Variants in ARHGAP29 observed in about 807,000 individuals in gnomAD.
The protein encoded by ARHGAP29 is Rho GTPase activating protein 29.
A neutral mutation model predicts 122.6 loss-of-function variants in ARHGAP29; 43 were observed. The observed-to-expected ratio is 0.35, with a 90% CI of 0.27 to 0.45. The LOEUF is 0.45. ARHGAP29 is among the 20% of genes least tolerant of loss of function. The probability of loss-of-function intolerance (pLI) is 1.00; values close to 1 mark genes in which losing one functional copy is unlikely to be tolerated. For synonymous variants in ARHGAP29, 506 were observed against 497.1 expected (o/e 1.02, Z -0.24); for missense variants, 1,303 against 1,477.2 (o/e 0.88, Z 1.93).
upstream of ARHGAP29, among the ~76,000 whole-genome samples, chr1:94,280,011 TTTTTCCTGTGATACAGTAC>T (rs6143326): frequency 6.7e-6 from 1 of 148,616 alleles, no homozygotes; most frequent in South Asian, 2.2e-4. Flanking sequence ...CTGTACTTGT[TTTTTCCTGTGATACAGTAC>T]TTTTCCTGTG....
chr1:94,226,746 C>T (rs1652635727), intron 2 of ARHGAP29, among the ~76,000 whole-genome samples: 1 of 151,524 alleles, frequency 6.6e-6, no homozygotes, highest in Non-Finnish European at 1.5e-5. Flanking sequence ...TACTTCGTTT[C>T]TCAAAGATTC....
rs142525529 is a variant in ARHGAP29, at chr1:94,256,318, A to G, written c.-33+18694T>C. Among the ~76,000 whole-genome samples the G allele has an allele frequency of 1.4e-4, 21 of 152,258 alleles. No homozygotes were observed. The East Asian group carries it at 3.7e-3, about 27-fold the overall frequency. On this transcript the variant is annotated intron_variant and NMD_transcript_variant, in intron 1 of 25. Transcript: ENST00000552844. ...TGAAGAGCTTTGATATTTATTACAC[A>G]GATTGTATCTACCCTACAAATATTA... is the stretch of plus-strand genomic sequence containing the variant.
chr1:94,281,192 A>G, the ARHGAP29 span, among the ~76,000 whole-genome samples: 1 of 152,230 alleles, frequency 6.6e-6, no homozygotes, highest in African/African-American at 2.4e-5. Context: ...TTAGTATCAC[A>G]CACTCCTATA....
intron 1 of ARHGAP29, among the ~76,000 whole-genome samples, chr1:94,267,529 A>G (rs1654818139): frequency 6.6e-6 from 1 of 152,222 alleles, no homozygotes; most frequent in Admixed American, 6.5e-5. Context: ...CACTGAGCAT[A>G]TCTAATAGTC....
chr1:94,260,171 C>T (rs1050517291), intron 1 of ARHGAP29, among the ~76,000 whole-genome samples: 1 of 152,188 alleles, frequency 6.6e-6, no homozygotes, highest in Non-Finnish European at 1.5e-5. Context: ...CATGGACATT[C>T]GAGTGTGCAT....
rs772580145 is a variant in ARHGAP29, at chr1:94,220,245, A to C, written c.340+13T>G. The stretch of plus-strand genomic sequence containing the variant: ...TTGCCCACAGCAACCCACTTTTACT[A>C]TATCTTCCTTACCTTTCACTTTTGC... On this transcript the variant is annotated intron_variant, in intron 3 of 22. Transcript: ENST00000260526. 1.2e-6 allele frequency: 2 copies of C among 1,612,826 alleles called. No homozygotes were observed. Among genetic ancestry groups the C allele is most frequent in the Non-Finnish European group, 1.7e-6 (2 of 1,179,478 alleles).
In ARHGAP29 at chr1:94,170,820, T is replaced by C. The variant is rs985838373; in HGVS notation, c.*3049A>G. Among the ~76,000 whole-genome samples, 1 of 152,212 alleles carries C rather than the reference T, an allele frequency of 6.6e-6. No homozygotes were observed. Among genetic ancestry groups the C allele is most frequent in the Non-Finnish European group, 1.5e-5 (1 of 68,042 alleles). ...TCTAACATTTTCTCCATCAAGATCT[T>C]GTACATCTTTTGTTAGACTTATTCT... On this transcript the variant is annotated 3_prime_UTR_variant, in exon 23 of 23. Transcript: ENST00000260526.
the ARHGAP29 span, among the ~76,000 whole-genome samples, chr1:94,308,936 G>A: frequency 6.6e-6 from 1 of 152,154 alleles, no homozygotes; most frequent in East Asian, 1.9e-4. Flanking sequence ...TTCCTCAGGA[G>A]GTTGTGTGGG....
rs753460434 is a variant in ARHGAP29, at chr1:94,174,357, T to C, written c.3298A>G (p.Ser1100Gly). The C allele has an allele frequency of 5.0e-6, 8 of 1,614,218 alleles. No individual in the cohort carries two copies. In the Admixed American group the frequency reaches 5.0e-5, roughly 10 times the overall value. ...GTCACTCCTTTTTCCTGGAGTGCAC[T>C]GGGCATGATCATTGTAGTCTTGGCA... ...LTAKTTMIMPSALQEKGVTTS... is the reference protein window; with the variant it reads ...LTAKTTMIMPGALQEKGVTTS... The change falls in exon 23 of 23, where the codon AGT becomes GGT. Residue 1100 changes from serine (S) to glycine (G), a missense_variant. Transcript: ENST00000260526.
rs1648988507 is a variant in ARHGAP29, at chr1:94,174,795, A to G, written c.2906-46T>C. ...TTTAAGTTTGTGGCACATGGTTAATAAGAGAGTTTGAATGAGTTAGAGATG... is the reference window on the plus strand; with the variant it reads ...TTTAAGTTTGTGGCACATGGTTAATGAGAGAGTTTGAATGAGTTAGAGATG... On this transcript the variant is annotated intron_variant, in intron 22 of 22. Coordinates refer to ENST00000260526, the MANE Select transcript of ARHGAP29 (RefSeq NM_004815.4). The G allele has an allele frequency of 1.9e-6, 3 of 1,575,942 alleles. No individual in the cohort carries two copies. In the African/African-American group the frequency reaches 4.1e-5, roughly 21 times the overall value.
At chr1:94,291,406 A>G in the ARHGAP29 span, among the ~76,000 whole-genome samples, 1 of 152,046 alleles carries the variant, frequency 6.6e-6, no homozygotes, top group Non-Finnish European at 1.5e-5. Flanking sequence ...TCTTTATCCA[A>G]TTTGCTAATC....
At chr1:94,202,221 C>G in intron 11 of ARHGAP29, 1 of 494,466 alleles carries the variant, frequency 2.0e-6, no homozygotes, top group South Asian at 3.5e-5. Context: ...AGTACACATA[C>G]ACACACACAC....
chr1:94,194,965 T>C (rs564824592), intron 12 of ARHGAP29: 1 of 126,926 alleles, frequency 7.9e-6, no homozygotes, highest in South Asian at 2.3e-4. Context: ...TAGACAAAAG[T>C]AAAAAGTAAT....
intron 3 of ARHGAP29, among the ~76,000 whole-genome samples, chr1:94,214,667 T>C (rs1259148391): frequency 6.6e-6 from 1 of 152,198 alleles, no homozygotes; most frequent in Non-Finnish European, 1.5e-5. Flanking sequence ...ATCCCCTCTA[T>C]TAATAGTCCT....
chr1:94,296,949 A>G, the ARHGAP29 span, among the ~76,000 whole-genome samples: 3 of 152,198 alleles, frequency 2.0e-5, no homozygotes, highest in South Asian at 4.1e-4. Flanking sequence ...ACAGCTTTTT[A>G]TGGATTTCAT....
upstream of ARHGAP29, among the ~76,000 whole-genome samples, chr1:94,238,906 G>A (rs868518515): frequency 1.8e-4 from 28 of 152,196 alleles, no homozygotes; most frequent in Middle Eastern, 3.4e-3. Context: ...ACCCTTACAG[G>A]AAAAACAATG....
the ARHGAP29 span, among the ~76,000 whole-genome samples, chr1:94,291,407 T>C: frequency 6.6e-6 from 1 of 152,334 alleles, no homozygotes; most frequent in African/African-American, 2.4e-5. Flanking sequence ...CTTTATCCAA[T>C]TTGCTAATCT....
At chr1:94,203,047 G>C in intron 9 of ARHGAP29, 49 bp from the exon 10 acceptor site, 1 of 1,594,424 alleles carries the variant, frequency 6.3e-7, no homozygotes, top group Non-Finnish European at 8.5e-7. Flanking sequence ...TTTTCTAATG[G>C]CATGCCATTG....
At chr1:94,258,744 A>C (rs1045659169) in intron 1 of ARHGAP29, among the ~76,000 whole-genome samples, 4 of 152,230 alleles carry the variant, frequency 2.6e-5, no homozygotes, top group Non-Finnish European at 5.9e-5. Context: ...ACTCTTCACA[A>C]TCACCTATAA....
Sources: allele counts gnomAD v4.1 joint callset (sites outside exome capture counted in the v4.1 genomes callset), GRCh38; gene constraint gnomAD v4.1.1; transcripts MANE v1.5; gene names NCBI Gene and HGNC (gene_info 2026-07-23, HGNC 2026-07-21).